Variants in AFF4 observed in about 807,000 individuals in gnomAD.
AFF4 encodes ALF transcription elongation factor 4.
AFF4 carries 13 observed loss-of-function variants against 124.8 expected under a neutral mutation model. That is an observed-to-expected ratio of 0.10 (90% CI 0.07 to 0.17). The LOEUF (loss-of-function observed/expected upper bound fraction) is 0.17. Among genes scored for constraint, AFF4 ranks in the 10% least tolerant of loss-of-function variants. The pLI is 1.00. For missense variants in AFF4, 1,092 were observed against 1,403.8 expected, an observed-to-expected ratio of 0.78 and a Z score of 3.55; for synonymous variants, 477 against 496.1, an observed-to-expected ratio of 0.96 and a Z score of 0.51.
intron 13 of AFF4, among the ~76,000 whole-genome samples, chr5:132,890,116 A>G (rs528175436): frequency 6.6e-6 from 1 of 151,814 alleles, no homozygotes; most frequent in East Asian, 1.9e-4. Context: ...AGAAAACTCA[A>G]TAATATATAA....
chr5:132,927,337 T>C, intron 4 of AFF4, 130 bp from the exon 5 acceptor site: 1 of 726,446 alleles, frequency 1.4e-6, no homozygotes, highest in Non-Finnish European at 2.3e-6. Context: ...ACTTAGTCAA[T>C]AAATATTAAG....
chr5:132,889,206 C>T (rs529074062), intron 13 of AFF4, 33 bp from the exon 14 acceptor site: 1 of 1,464,540 alleles, frequency 6.8e-7, no homozygotes, highest in South Asian at 1.2e-5. Flanking sequence ...ACAATGAAAA[C>T]CGTAAGGAGA....
In AFF4 at chr5:132,899,027, C is replaced by T. The variant is rs1760481920; in HGVS notation, c.1226+77G>A. The T allele has an allele frequency of 1.7e-5, 22 of 1,262,370 alleles. 1 individual carries two copies. The highest frequency in any genetic ancestry group is 2.3e-6 in the Non-Finnish European group (2 of 882,632). 78.2% of individuals were successfully genotyped at this position (1,262,370 alleles called of 1,614,324 possible). A position where few individuals can be genotyped will look rare whatever the true frequency, so the allele number is the denominator to read the frequency against. ...TCAAAATTAATATTTACTTATAAGG[C>T]CACTTATTATATCCCTGCAATGTTA... is the stretch of plus-strand genomic sequence containing the variant. On this transcript the variant is annotated intron_variant, in intron 9 of 20. Transcript: ENST00000265343.
chr5:132,913,628 G>T (rs1270670350), intron 5 of AFF4, among the ~76,000 whole-genome samples: 1 of 152,170 alleles, frequency 6.6e-6, no homozygotes, highest in Non-Finnish European at 1.5e-5. Flanking sequence ...ATTTTTGGCA[G>T]ACATGAGGTC....
rs770827508 is a variant in AFF4 at position 132,934,439 on chromosome 5, C to T, written c.626G>A (p.Arg209His). ...GNDHHSKEHQ[R>H]SKSPRDPDAN... ...ATCAGGGTCCCGAGGTGATTTGGAG[C>T]GTTGATGTTCCTTGCTATGGTGATC... The change falls in exon 3 of 21, where the codon CGC becomes CAC. Residue 209 changes from arginine to histidine, a missense_variant. This residue lies in a region of AFF4 where 188 missense variants were observed against 203.0 expected (regional missense o/e 0.93). Coordinates refer to ENST00000265343, the MANE Select transcript of AFF4 (RefSeq NM_014423.4). 70 of 1,613,966 alleles carry T rather than the reference C, an allele frequency of 4.3e-5. No individual in the cohort carries two copies. Among genetic ancestry groups the T allele is most frequent in the Middle Eastern group, 1.6e-4 (1 of 6,084 alleles).
intron 1 of AFF4, among the ~76,000 whole-genome samples, chr5:132,949,893 G>A (rs1449631967): frequency 1.3e-5 from 2 of 151,532 alleles, no homozygotes; most frequent in African/African-American, 4.9e-5. Context: ...GAAAGGTGGT[G>A]CATGCCTGTA....
At position 132,917,705 on chromosome 5, in the gene AFF4, CTTTTTTTT is replaced by C. The variant is rs58145774; in HGVS notation, c.1050+9408_1050+9415del. On this transcript the variant is annotated intron_variant, in intron 5 of 20. Coordinates refer to ENST00000265343, the MANE Select transcript of AFF4 (RefSeq NM_014423.4). ...AAGGTATTTCTTTTTCTTTTCTTTT[CTTTTTTTT>C]TTTTTTTTTTTTTTTTTGAGACAGA... 8.6e-4 allele frequency among the ~76,000 whole-genome samples: 64 copies of C among 74,048 alleles called. 1 individual carries two copies. Among genetic ancestry groups the C allele is most frequent in the Non-Finnish European group, 1.3e-3 (51 of 39,354 alleles). 48.6% of individuals were successfully genotyped at this position (74,048 alleles called of 152,430 possible).
intron 5 of AFF4, among the ~76,000 whole-genome samples, chr5:132,908,067 GAGTAGTACCAGT>G (rs1261929741): frequency 6.6e-6 from 1 of 151,490 alleles, no homozygotes; most frequent in African/African-American, 2.4e-5. Flanking sequence ...GAGGTTACTG[GAGTAGTACCAGT>G]AGGAGATAAC....
intron 11 of AFF4, among the ~76,000 whole-genome samples, chr5:132,895,699 C>T (rs573796421): frequency 2.0e-5 from 3 of 152,196 alleles, no homozygotes; most frequent in Admixed American, 6.5e-5. Context: ...CTTCATTGTA[C>T]GATTATTATC....
chr5:132,901,763 G>GA (rs1760557808), intron 7 of AFF4, among the ~76,000 whole-genome samples: 1 of 152,024 alleles, frequency 6.6e-6, no homozygotes. Context: ...TATAAATTAG[G>GA]AATATACACA....
rs1759823667 is a variant in AFF4 at position 132,875,757 on chromosome 5, TTGTAA to T, written c.*5297_*5301del. On this transcript the variant is annotated 3_prime_UTR_variant, in exon 21 of 21. Coordinates refer to ENST00000265343, the MANE Select transcript of AFF4 (RefSeq NM_014423.4). ...TTTGAGCCCCAAAGTACCTCTGAAA[TTGTAA>T]TGTATTGCAACAAATAAAAATCACA... 4.9e-6 allele frequency: 1 copy of T among 206,092 alleles called. No individual in the cohort carries two copies. Among genetic ancestry groups the T allele is most frequent in the South Asian group, 1.9e-4 (1 of 5,300 alleles). The allele number at this position is 206,092 out of a possible 1,614,324, so 12.8% of individuals were successfully genotyped here.
intron 20 of AFF4, 117 bp from the exon 21 acceptor site, chr5:132,881,303 C>T: frequency 1.9e-6 from 2 of 1,077,302 alleles, no homozygotes; most frequent in Non-Finnish European, 2.6e-6. Context: ...TCCTCCTACA[C>T]TAAAATGCTT....
rs1444470005 is a variant in AFF4 at position 132,898,356 on chromosome 5, T to C, written c.1263A>G (p.Ala421=). Residue 421 remains alanine, a synonymous_variant, in exon 10 of 21, where the codon GCA becomes GCG. Transcript: ENST00000265343. ...TACTAGAATCATCCCTGGAGTTATC[T>C]GCTCCTTCACTATTATGGTGTGAAG... is the stretch of plus-strand genomic sequence containing the variant. ...SEPSHHNSEG[A]DNSRDDSSSH... is the part of the protein sequence containing the mutation. 1 of 1,614,142 alleles carries C rather than the reference T, an allele frequency of 6.2e-7. No individual in the cohort carries two copies. Among genetic ancestry groups the C allele is most frequent in the African/African-American group, 1.3e-5 (1 of 74,952 alleles).
intron 5 of AFF4, among the ~76,000 whole-genome samples, chr5:132,915,249 G>A (rs1423628430): frequency 6.6e-6 from 1 of 151,990 alleles, no homozygotes; most frequent in Non-Finnish European, 1.5e-5. Flanking sequence ...GCTGAGGCAG[G>A]AGAATGGCAT....
At chr5:132,891,800 C>CTTTTTTTTT (rs11441608) in intron 13 of AFF4, 1 of 220,596 alleles carries the variant, frequency 4.5e-6, no homozygotes, top group African/African-American at 2.4e-5. Context: ...TGGTTTCTAT[C>CTTTTTTTTT]TTTTTTTTTT....
At chr5:132,909,123 C>CTTTT (rs34141962) in intron 5 of AFF4, among the ~76,000 whole-genome samples, 1 of 112,814 alleles carries the variant, frequency 8.9e-6, no homozygotes, top group African/African-American at 3.5e-5. Flanking sequence ...AAAACATCAT[C>CTTTT]TTTTTTTTTT....
chr5:132,923,666 T>C (rs1315991360), intron 5 of AFF4, among the ~76,000 whole-genome samples: 1 of 151,982 alleles, frequency 6.6e-6, no homozygotes, highest in Non-Finnish European at 1.5e-5. Context: ...AAGGGTATAG[T>C]GAGCTATATG....
rs112093653 is a variant in AFF4 at position 132,918,892 on chromosome 5, T to G, written c.1050+8229A>C. On this transcript the variant is annotated intron_variant, in intron 5 of 20. Coordinates refer to ENST00000265343, the MANE Select transcript of AFF4 (RefSeq NM_014423.4). ...TTGACAAGGTGTTGTTTGTTTGTTTTTTTTTTTTTTTGAGACAGAGTCTTG... is the reference window on the plus strand; with the variant it reads ...TTGACAAGGTGTTGTTTGTTTGTTTGTTTTTTTTTTTGAGACAGAGTCTTG... Among the ~76,000 whole-genome samples the G allele has an allele frequency of 1.9e-3, 287 of 151,096 alleles. 1 individual carries two copies. Among genetic ancestry groups the G allele is most frequent in the East Asian group, 5.6e-3 (29 of 5,156 alleles).
At chr5:132,937,614 C>A (rs1761463452) in intron 1 of AFF4, 1 of 153,030 alleles carries the variant, frequency 6.5e-6, no homozygotes, top group Admixed American at 6.5e-5. Flanking sequence ...ACCCTTCCCC[C>A]CAGGGTCCAG....
Sources: allele counts gnomAD v4.1 joint callset (sites outside exome capture counted in the v4.1 genomes callset), GRCh38; gene constraint gnomAD v4.1.1; regional missense constraint gnomAD v4.1.1; transcripts MANE v1.5; gene names NCBI Gene and HGNC (gene_info 2026-07-23, HGNC 2026-07-21).